TLK2: variants seen among roughly 807,000 people sequenced by gnomAD.
TLK2 encodes the protein tousled like kinase 2.
Under a neutral mutation model 117.3 loss-of-function variants are expected in TLK2, and 6 were observed. The observed-to-expected ratio is 0.05, with a 90% CI of 0.03 to 0.10. The LOEUF (loss-of-function observed/expected upper bound fraction) is 0.10. Ranked by LOEUF, TLK2 falls within the 10% of genes least tolerant of loss-of-function variation. TLK2 has a pLI of 1.00. For synonymous variants in TLK2, 257 were observed against 316.7 expected, an observed-to-expected ratio of 0.81 and a Z score of 2.00; for missense variants, 299 against 901.2, an observed-to-expected ratio of 0.33 and a Z score of 8.56.
chr17:62,537,956 C>A, intron 7 of TLK2, among the ~76,000 whole-genome samples: 1 of 150,240 alleles, frequency 6.7e-6, no homozygotes, highest in Non-Finnish European at 1.5e-5. Flanking sequence ...TAGTATTGTT[C>A]TAAAGAATGT....
At chr17:62,592,757 A>G (rs1186420910) in intron 16 of TLK2, among the ~76,000 whole-genome samples, 4 of 152,184 alleles carry the variant, frequency 2.6e-5, no homozygotes, top group Admixed American at 1.3e-4. Flanking sequence ...TTAGTGTTAC[A>G]TTGTAGTATA....
chr17:62,471,241 T>C (rs2070934633), intron 1 of TLK2, among the ~76,000 whole-genome samples: 1 of 152,160 alleles, frequency 6.6e-6, no homozygotes, highest in South Asian at 2.1e-4. Flanking sequence ...GGCATGGACT[T>C]CTGGAATTCT....
intron 2 of TLK2, chr17:62,516,530 G>T (rs185731379): frequency 6.2e-7 from 1 of 1,608,816 alleles, no homozygotes; most frequent in South Asian, 1.1e-5. Flanking sequence ...AGGTAATCAC[G>T]GAGATACTGG....
chr17:62,494,772 A>AGCTGAGGAT (rs776052688), intron 2 of TLK2, among the ~76,000 whole-genome samples: 1 of 152,220 alleles, frequency 6.6e-6, no homozygotes, highest in Non-Finnish European at 1.5e-5. Flanking sequence ...TATGGCACAT[A>AGCTGAGGAT]GCTGAGGATG....
At chr17:62,498,516 A>G (rs2073913777) in intron 2 of TLK2, among the ~76,000 whole-genome samples, 1 of 151,544 alleles carries the variant, frequency 6.6e-6, no homozygotes, top group Non-Finnish European at 1.5e-5. Flanking sequence ...CAGCTTCCCA[A>G]ATAGCTGGGA....
intron 2 of TLK2, among the ~76,000 whole-genome samples, chr17:62,483,509 T>G (rs896526643): frequency 6.6e-6 from 1 of 152,226 alleles, no homozygotes; most frequent in Non-Finnish European, 1.5e-5. Context: ...TTTCCAGTTT[T>G]TTTGTTTGTT....
rs1359117582 is a variant in TLK2 at position 62,573,395 on chromosome 17, A to G, written c.1121+28A>G. ...ATGTTCTTTATTGACGTGAACGCTGAGACACCACACCCTGCCCCCAAATAC... is the reference window on the plus strand; with the variant it reads ...ATGTTCTTTATTGACGTGAACGCTGGGACACCACACCCTGCCCCCAAATAC... On this transcript the variant is annotated intron_variant, in intron 12 of 21. Coordinates refer to ENST00000346027, the MANE Select transcript of TLK2 (RefSeq NM_006852.6). 10 of 1,609,250 alleles carry G rather than the reference A, an allele frequency of 6.2e-6. No individual in the cohort carries two copies. In the Admixed American group the frequency reaches 1.7e-4, roughly 27 times the overall value.
intron 2 of TLK2, among the ~76,000 whole-genome samples, chr17:62,504,457 A>G (rs1200745474): frequency 2.6e-5 from 4 of 152,122 alleles, no homozygotes; most frequent in African/African-American, 4.8e-5. Flanking sequence ...TGTTGATCAT[A>G]CCCTTGGACC....
At chr17:62,518,713 A>C (rs1372482348) in intron 2 of TLK2, among the ~76,000 whole-genome samples, 1 of 152,176 alleles carries the variant, frequency 6.6e-6, no homozygotes, top group Non-Finnish European at 1.5e-5. Context: ...CTCCAAAAAA[A>C]AAAGAAAGAA....
At position 62,524,315 on chromosome 17, in the gene TLK2, T is replaced by C. The variant is rs746261740; in HGVS notation, c.347T>C (p.Leu116Ser). Reference protein sequence around the residue: ...PVARSSPQHSLSNPLPRRVEQ... With the variant: ...PVARSSPQHSSSNPLPRRVEQ... ...GCACGATCCTCACCGCAACATTCCT[T>C]ATCCAATCCCTTACCGGTAAGCATT... Residue 116 changes from leucine to serine, a missense_variant, in exon 6 of 22, where the codon TTA (leucine) becomes TCA (serine). By Grantham distance (145) the Leu-to-Ser change is moderately radical. Transcript: ENST00000346027. The C allele has an allele frequency of 6.2e-7, 1 of 1,613,306 alleles. No homozygotes were observed. The highest frequency in any genetic ancestry group is 8.5e-7 in the Non-Finnish European group (1 of 1,179,642).
At chr17:62,589,127 A>G (rs2081883001) in intron 16 of TLK2, among the ~76,000 whole-genome samples, 2 of 152,176 alleles carry the variant, frequency 1.3e-5, no homozygotes, top group African/African-American at 4.8e-5. Flanking sequence ...TCCTCCTACC[A>G]TAAGCAAACA....
chr17:62,585,567 T>C (rs981803428), intron 15 of TLK2: 1 of 152,270 alleles, frequency 6.6e-6, no homozygotes, highest in African/African-American at 2.4e-5. Flanking sequence ...CCACTTTTCA[T>C]TTACCCAGCA....
chr17:62,612,626 G>T lies in TLK2; in HGVS notation c.*61G>T. ...CAAAGTGGACAAATGGCGTTCAGCA[G>T]CGGGTTTGGAACATAGCGAATCCGA... On this transcript the variant is annotated 3_prime_UTR_variant, in exon 22 of 22. Coordinates refer to ENST00000346027, the MANE Select transcript of TLK2 (RefSeq NM_006852.6). 6.6e-7 allele frequency: 1 copy of T among 1,513,846 alleles called. No individual in the cohort carries two copies. Among genetic ancestry groups the T allele is most frequent in the Non-Finnish European group, 9.0e-7 (1 of 1,112,428 alleles). The allele number at this position is 1,513,846 out of a possible 1,614,324, so 93.8% of individuals were successfully genotyped here.
At chr17:62,569,801 G>T (rs1011218404) in intron 11 of TLK2, among the ~76,000 whole-genome samples, 1 of 152,092 alleles carries the variant, frequency 6.6e-6, no homozygotes, top group Admixed American at 6.6e-5. Flanking sequence ...TGCTGCTGAA[G>T]GTACCCGCAT....
At chr17:62,515,007 C>G (rs1381092556) in intron 2 of TLK2, among the ~76,000 whole-genome samples, 1 of 152,172 alleles carries the variant, frequency 6.6e-6, no homozygotes, top group Non-Finnish European at 1.5e-5. Context: ...ACTGAAATGC[C>G]CATTAAACAA....
chr17:62,491,317 A>T (rs2073090723), intron 2 of TLK2, among the ~76,000 whole-genome samples: 1 of 152,220 alleles, frequency 6.6e-6, no homozygotes, highest in South Asian at 2.1e-4. Context: ...AATTCAGATT[A>T]AATGGAAAGA....
intron 12 of TLK2, 42 bp downstream of exon 12, chr17:62,573,409 G>T (rs768806429): frequency 6.3e-7 from 1 of 1,596,352 alleles, no homozygotes; most frequent in Non-Finnish European, 8.5e-7. Flanking sequence ...ACCACACCCT[G>T]CCCCCAAATA....
rs1372659269 is a variant in TLK2, at chr17:62,586,309, T to C, written c.1460+83T>C. ...ATTATGCTACAAGCTTTACGTGCAT[T>C]GTTGTTGGTTTTGTTTTATGTAATC... is the stretch of plus-strand genomic sequence containing the variant. On this transcript the variant is annotated intron_variant, in intron 16 of 21. Transcript: ENST00000346027. 8.4e-5 allele frequency: 81 copies of C among 968,862 alleles called. No individual in the cohort carries two copies. In the East Asian group the frequency reaches 2.0e-3, roughly 24 times the overall value. The allele number at this position is 968,862 out of a possible 1,614,324, so 60.0% of individuals were successfully genotyped here.
At chr17:62,549,419 A>AAAAAAAAAAAAAAGG (rs2078238813) in intron 7 of TLK2, among the ~76,000 whole-genome samples, 1 of 7,746 alleles carries the variant, frequency 1.3e-4, no homozygotes, top group Non-Finnish European at 4.8e-4. Flanking sequence ...AAAAAAAAAA[A>AAAAAAAAAAAAAAGG]AAAAAAAAAA....
Sources: allele counts gnomAD v4.1 joint callset (sites outside exome capture counted in the v4.1 genomes callset), GRCh38; gene constraint gnomAD v4.1.1; transcripts MANE v1.5; gene names NCBI Gene and HGNC (gene_info 2026-07-23, HGNC 2026-07-21).